EFR3A: variants seen among roughly 807,000 people sequenced by gnomAD.
EFR3A encodes protein EFR3 homolog A.
A neutral mutation model predicts 104.4 loss-of-function variants in EFR3A; 76 were observed. That is an observed-to-expected ratio of 0.73 (90% CI 0.60 to 0.88). The LOEUF (loss-of-function observed/expected upper bound fraction) is 0.88. Among genes scored for constraint, EFR3A ranks in the 40% least tolerant of loss-of-function variants. The pLI is 0.00. For missense variants in EFR3A, 985 were observed against 1,012.5 expected (o/e 0.97, Z 0.37); for synonymous variants, 330 against 330.0 (o/e 1.00, Z 0.00).
chr8:132,010,405 GAGATAT>G (rs1255482912), intron 22 of EFR3A, among the ~76,000 whole-genome samples: 1,972 of 87,874 alleles, frequency 0.022, 67 homozygotes, highest in African/African-American at 0.047. Context: ...AATCAAGTAT[GAGATAT>G]ATATATATAT....
rs1457996616 is a variant in EFR3A at position 131,980,772 on chromosome 8, G to C, written c.1575+1351G>C. 2.0e-5 allele frequency among the ~76,000 whole-genome samples: 3 copies of C among 151,784 alleles called. No individual in the cohort carries two copies. The East Asian group carries it at 5.8e-4, about 29-fold the overall frequency. ...TCTCAAAACTTAACTCCTTCTATCT[G>C]TCTGAAACCTTGTAACCTTTGATCA... On this transcript the variant is annotated intron_variant, in intron 14 of 22. Coordinates refer to ENST00000254624, the MANE Select transcript of EFR3A (RefSeq NM_015137.6).
At chr8:132,009,919 T>C (rs1159764065) in intron 22 of EFR3A, among the ~76,000 whole-genome samples, 3 of 152,082 alleles carry the variant, frequency 2.0e-5, no homozygotes, top group Non-Finnish European at 4.4e-5. Context: ...GGAAAGCATC[T>C]GTATCATATG....
chr8:131,967,511 A>G (rs1162375213), intron 8 of EFR3A, among the ~76,000 whole-genome samples: 1 of 151,530 alleles, frequency 6.6e-6, no homozygotes, highest in East Asian at 1.9e-4. Context: ...ATGATAGTAG[A>G]CCGATCGTGA....
Position 132,011,591 on chromosome 8 carries a change from CT to C in EFR3A, c.*698del. 1 of 254,920 alleles carries C rather than the reference CT, an allele frequency of 3.9e-6. No homozygotes were observed. Among genetic ancestry groups the C allele is most frequent in the Non-Finnish European group, 6.2e-6 (1 of 161,874 alleles). The allele number at this position is 254,920 out of a possible 1,614,324, so 15.8% of individuals were successfully genotyped here. A position where few individuals can be genotyped will look rare whatever the true frequency, so the allele number is the denominator to read the frequency against. ...ACCATTCTGCTTGAGAAGTGTAGAG[CT>C]TACTCTTGGAGTACCAAACTGTGCA... On this transcript the variant is annotated 3_prime_UTR_variant, in exon 23 of 23. Coordinates refer to ENST00000254624, the MANE Select transcript of EFR3A (RefSeq NM_015137.6).
chr8:131,952,114 C>T (rs1178411688), intron 5 of EFR3A, among the ~76,000 whole-genome samples: 2 of 152,056 alleles, frequency 1.3e-5, no homozygotes, highest in African/African-American at 4.8e-5. Flanking sequence ...TCTGAAGAAA[C>T]TTCAGCTGTG....
chr8:131,907,409 A>G (rs1283285956), intron 1 of EFR3A, among the ~76,000 whole-genome samples: 7 of 152,336 alleles, frequency 4.6e-5, no homozygotes, highest in South Asian at 2.1e-4. Context: ...AAGTTATTCT[A>G]TATTTTCTAG....
intron 15 of EFR3A, 51 bp downstream of exon 15, chr8:131,984,351 A>G: frequency 6.9e-7 from 1 of 1,444,924 alleles, no homozygotes; most frequent in Non-Finnish European, 9.1e-7. Context: ...TAAAGCAGAC[A>G]ACATCTTTGA....
At position 132,005,426 on chromosome 8, in the gene EFR3A, TAAAA is replaced by T. The variant is rs576629470; in HGVS notation, c.2360+2149_2360+2152del. ...CATTTTAACCATACCTGAGTATGGT[TAAAA>T]AAAAAAACAAGAAAGGCAAAGAAGC... On this transcript the variant is annotated intron_variant, in intron 22 of 22. Transcript: ENST00000254624. Among the ~76,000 whole-genome samples the T allele has an allele frequency of 2.1e-5, 3 of 143,854 alleles. No homozygotes were observed. The Admixed American group carries it at 2.1e-4, about 10-fold the overall frequency. The allele number at this position is 143,854 out of a possible 152,430, so 94.4% of individuals were successfully genotyped here.
intron 8 of EFR3A, among the ~76,000 whole-genome samples, chr8:131,965,774 C>T (rs76013826): frequency 0.063 from 9,578 of 151,718 alleles, 567 homozygotes; most frequent in African/African-American, 0.15. Flanking sequence ...ATGTTTATTG[C>T]GGCACTATTC....
Position 131,979,435 on chromosome 8 carries a change from T to A in EFR3A, c.1575+14T>A. 10 of 1,502,744 alleles carry A rather than the reference T, an allele frequency of 6.7e-6. No homozygotes were observed. The highest frequency in any genetic ancestry group is 8.2e-6 in the Non-Finnish European group (9 of 1,102,020). The allele number at this position is 1,502,744 out of a possible 1,614,324, so 93.1% of individuals were successfully genotyped here. ...TTCATGAAAAAGGTAAGACATCTTC[T>A]AAAAAAATAAATGTGTAGTGTAAAT... On this transcript the variant is annotated intron_variant, in intron 14 of 22. Coordinates refer to ENST00000254624, the MANE Select transcript of EFR3A (RefSeq NM_015137.6).
At chr8:131,953,108 A>T (rs1196024058) in intron 5 of EFR3A, among the ~76,000 whole-genome samples, 1 of 151,918 alleles carries the variant, frequency 6.6e-6, no homozygotes, top group African/African-American at 2.4e-5. Context: ...GAACCTATAG[A>T]TTTTTATTTT....
chr8:132,002,540 C>T, intron 20 of EFR3A, 63 bp from the exon 21 acceptor site: 2 of 1,347,532 alleles, frequency 1.5e-6, no homozygotes, highest in East Asian at 2.4e-5. Context: ...TCTTAACGGT[C>T]ATTGACTGGG....
chr8:131,956,656 CTTTA>C (rs1228138607), intron 7 of EFR3A, among the ~76,000 whole-genome samples: 12 of 152,088 alleles, frequency 7.9e-5, no homozygotes, highest in African/African-American at 2.9e-4. Flanking sequence ...ATCCAGAATT[CTTTA>C]TTTAGGACAG....
chr8:131,927,438 C>G (rs1163327836), intron 1 of EFR3A, among the ~76,000 whole-genome samples: 1 of 152,104 alleles, frequency 6.6e-6, no homozygotes, highest in Non-Finnish European at 1.5e-5. Context: ...GGTTACTGTT[C>G]CCCAAACTTG....
chr8:131,969,524 GTTTTT>G (rs112899303), intron 9 of EFR3A, among the ~76,000 whole-genome samples: 5,373 of 135,470 alleles, frequency 0.04, 189 homozygotes, highest in African/African-American at 0.1. Context: ...ATTTGTGTGT[GTTTTT>G]TTTTTTTATC....
intron 10 of EFR3A, among the ~76,000 whole-genome samples, chr8:131,972,213 G>T (rs1820095057): frequency 1.3e-5 from 2 of 150,332 alleles, no homozygotes; most frequent in South Asian, 4.2e-4. Context: ...CCCTGATTTG[G>T]CTCATGGGAG....
At chr8:131,916,307 A>T (rs1162182691) in intron 1 of EFR3A, among the ~76,000 whole-genome samples, 1 of 152,236 alleles carries the variant, frequency 6.6e-6, no homozygotes, top group East Asian at 1.9e-4. Flanking sequence ...CAGTGAACAA[A>T]TGTGAACACT....
intron 8 of EFR3A, among the ~76,000 whole-genome samples, chr8:131,967,395 A>G (rs949315677): frequency 6.6e-6 from 1 of 151,940 alleles, no homozygotes. Flanking sequence ...ACACATTCCA[A>G]AGGAAAGAAA....
intron 10 of EFR3A, among the ~76,000 whole-genome samples, chr8:131,974,824 G>C (rs13269132): frequency 0.062 from 9,503 of 152,166 alleles, 570 homozygotes; most frequent in African/African-American, 0.15. Context: ...TCAAAATGAT[G>C]AATAGAACAG....
Sources: allele counts gnomAD v4.1 joint callset (sites outside exome capture counted in the v4.1 genomes callset), GRCh38; gene constraint gnomAD v4.1.1; transcripts MANE v1.5; gene names NCBI Gene and HGNC (gene_info 2026-07-23, HGNC 2026-07-21).